The following CFAP77 variants were observed in gnomAD, a reference collection of about 807,000 sequenced individuals.
CFAP77 encodes cilia- and flagella-associated protein 77.
Under a neutral mutation model 31.1 loss-of-function variants are expected in CFAP77, and 25 were observed. The observed-to-expected ratio is 0.80, with a 90% CI of 0.59 to 1.12. CFAP77 has a LOEUF of 1.12. Ranked by LOEUF, CFAP77 falls within the 50% of genes most tolerant of loss-of-function variation. The probability of loss-of-function intolerance (pLI) is 0.00; values close to 1 mark genes in which losing one functional copy is unlikely to be tolerated. For missense variants in CFAP77, 377 were observed against 397.3 expected (o/e 0.95, Z 0.44); for synonymous variants, 151 against 159.9 (o/e 0.94, Z 0.42).
At chr9:132,448,309 T>C (rs1850763847) in intron 1 of CFAP77, among the ~76,000 whole-genome samples, 1 of 152,198 alleles carries the variant, frequency 6.6e-6, no homozygotes, top group East Asian at 1.9e-4. Context: ...ACTCTCACAT[T>C]CAATTAGGTT....
intron 3 of CFAP77, among the ~76,000 whole-genome samples, chr9:132,510,293 C>T (rs1161637019): frequency 6.6e-6 from 1 of 152,240 alleles, no homozygotes; most frequent in Non-Finnish European, 1.5e-5. Context: ...TCACCCGTGT[C>T]AGGGGAGGGG....
intron 5 of CFAP77, among the ~76,000 whole-genome samples, chr9:132,560,234 C>T (rs940284315): frequency 3.3e-5 from 5 of 152,208 alleles, no homozygotes; most frequent in African/African-American, 4.8e-5. Context: ...GAGTGATCAT[C>T]GCCTAGATTC....
chr9:132,421,002 CTTTTTTTTTTT>C (rs754764941), intron 1 of CFAP77, among the ~76,000 whole-genome samples: 9 of 74,518 alleles, frequency 1.2e-4, no homozygotes, highest in African/African-American at 3.6e-4. Context: ...TGGCTTGTGT[CTTTTTTTTTTT>C]TTTTTTTTTT....
chr9:132,447,793 G>T (rs1173172051), intron 1 of CFAP77, among the ~76,000 whole-genome samples: 1 of 152,194 alleles, frequency 6.6e-6, no homozygotes, highest in Non-Finnish European at 1.5e-5. Flanking sequence ...GCTGATTAAA[G>T]AACCAACCTG....
In CFAP77 at chr9:132,500,775, C is replaced by T. The variant is rs540420113; in HGVS notation, c.524+1175C>T. ...ACTGGCACGCATGTCCCAATGGGTC[C>T]ACATCCTCACCATTGTCAACAAGGG... On this transcript the variant is annotated intron_variant, in intron 3 of 5. Coordinates refer to ENST00000393216, the MANE Select transcript of CFAP77 (RefSeq NM_001282957.2). Among the ~76,000 whole-genome samples, 478 of 152,312 alleles carry T rather than the reference C, an allele frequency of 3.1e-3. 3 individuals carry two copies. The highest frequency in any genetic ancestry group is 0.011 in the African/African-American group (440 of 41,558).
chr9:132,420,333 C>A (rs994757586), intron 1 of CFAP77, among the ~76,000 whole-genome samples: 1 of 151,680 alleles, frequency 6.6e-6, no homozygotes, highest in Non-Finnish European at 1.5e-5. Context: ...GAAGGGGACA[C>A]CTAGAGCAAA....
rs530553478 is a variant in CFAP77 at position 132,450,061 on chromosome 9, C to T, written c.195+39595C>T. Among the ~76,000 whole-genome samples, 4 of 152,014 alleles carry T rather than the reference C, an allele frequency of 2.6e-5. No individual in the cohort carries two copies. The South Asian group carries it at 6.3e-4, about 24-fold the overall frequency. On this transcript the variant is annotated intron_variant, in intron 1 of 5. Coordinates refer to ENST00000393216, the MANE Select transcript of CFAP77 (RefSeq NM_001282957.2). The stretch of plus-strand genomic sequence containing the variant: ...CTGAGTAGCTGGGACTACTGGTGCC[C>T]GCCACCATGCCCACACCCGCCACCA...
chr9:132,532,438 C>T (rs554989935), intron 3 of CFAP77, among the ~76,000 whole-genome samples: 2 of 152,310 alleles, frequency 1.3e-5, no homozygotes, highest in South Asian at 2.1e-4. Context: ...TTTTACTCAG[C>T]GCCGGCCAAT....
Position 132,499,289 on chromosome 9 carries a change from G to A in CFAP77, c.296-83G>A. 1 of 1,227,996 alleles carries A rather than the reference G, an allele frequency of 8.1e-7. No homozygotes were observed. The highest frequency in any genetic ancestry group is 1.3e-5 in the South Asian group (1 of 75,864). The allele number at this position is 1,227,996 out of a possible 1,614,324, so 76.1% of individuals were successfully genotyped here. ...AAATGGGAAGGCCGAGGACCCGCGT[G>A]CCCCCATTTCTTCTCGATCAGCTGC... On this transcript the variant is annotated intron_variant, in intron 2 of 5. Coordinates refer to ENST00000393216, the MANE Select transcript of CFAP77 (RefSeq NM_001282957.2). This position sits in a 1 kb window ranked among gnomAD's most constrained non-coding sequence, Gnocchi z 5.4.
intron 3 of CFAP77, among the ~76,000 whole-genome samples, chr9:132,508,828 A>G (rs1851981870): frequency 6.6e-6 from 1 of 152,212 alleles, no homozygotes; most frequent in East Asian, 1.9e-4. Flanking sequence ...AGATGGGGAA[A>G]CTGAGGCTCA....
At chr9:132,418,055 T>C (rs571750038) in intron 1 of CFAP77, among the ~76,000 whole-genome samples, 82 of 152,352 alleles carry the variant, frequency 5.4e-4, no homozygotes, top group African/African-American at 1.9e-3. Flanking sequence ...GTTTCCTTAT[T>C]TGGAGAGTCT....
At chr9:132,487,627 T>G in intron 1 of CFAP77, among the ~76,000 whole-genome samples, 1 of 151,930 alleles carries the variant, frequency 6.6e-6, no homozygotes, top group East Asian at 1.9e-4. Flanking sequence ...CATGTAGAAT[T>G]TTGAATCCGG....
At chr9:132,521,172 C>T (rs1255769370) in intron 3 of CFAP77, among the ~76,000 whole-genome samples, 1 of 152,274 alleles carries the variant, frequency 6.6e-6, no homozygotes, top group East Asian at 1.9e-4. Context: ...ACAGGATCGG[C>T]CCTGACATGC....
chr9:132,557,284 A>T (rs1039709285), intron 5 of CFAP77, among the ~76,000 whole-genome samples: 1 of 152,094 alleles, frequency 6.6e-6, no homozygotes. Context: ...AGGTGTTTCA[A>T]AGAGAAGGCA....
At chr9:132,426,821 G>T (rs1850325702) in intron 1 of CFAP77, among the ~76,000 whole-genome samples, 1 of 152,116 alleles carries the variant, frequency 6.6e-6, no homozygotes, top group Non-Finnish European at 1.5e-5. Flanking sequence ...GACTCACCAT[G>T]GGGAAATTAA....
At chr9:132,423,943 C>A (rs1265833110) in intron 1 of CFAP77, among the ~76,000 whole-genome samples, 1 of 152,178 alleles carries the variant, frequency 6.6e-6, no homozygotes, top group Admixed American at 6.5e-5. Context: ...TTATCACCTG[C>A]GTCTATATCT....
rs1250011911 is a variant in CFAP77 at position 132,490,165 on chromosome 9, G to C, written c.196-8530G>C. On this transcript the variant is annotated intron_variant, in intron 1 of 5. Transcript: ENST00000393216. This position sits in a 1 kb window ranked among gnomAD's most constrained non-coding sequence, Gnocchi z 4.6. ...AAAAGGGCGAACTCCCTCCATCAAGGCCTTTTATAAGGGCACCTATTCCCC... is the reference window on the plus strand; with the variant it reads ...AAAAGGGCGAACTCCCTCCATCAAGCCCTTTTATAAGGGCACCTATTCCCC... 1.3e-5 allele frequency among the ~76,000 whole-genome samples: 2 copies of C among 152,062 alleles called. No homozygotes were observed. The highest frequency in any genetic ancestry group is 1.3e-4 in the Admixed American group (2 of 15,274).
At chr9:132,549,727 A>T (rs1306221614) in intron 5 of CFAP77, among the ~76,000 whole-genome samples, 1 of 152,062 alleles carries the variant, frequency 6.6e-6, no homozygotes, top group Non-Finnish European at 1.5e-5. Context: ...AATCACAGCT[A>T]CTCGGTGGGG....
At chr9:132,430,537 A>T (rs1390334375) in intron 1 of CFAP77, among the ~76,000 whole-genome samples, 1 of 152,228 alleles carries the variant, frequency 6.6e-6, no homozygotes, top group East Asian at 1.9e-4. Flanking sequence ...TATCCTGTGA[A>T]CTAGAAAACC....
Sources: allele counts gnomAD v4.1 joint callset (sites outside exome capture counted in the v4.1 genomes callset), GRCh38; gene constraint gnomAD v4.1.1; non-coding constraint Gnocchi (gnomAD v3.1); transcripts MANE v1.5; gene names NCBI Gene and HGNC (gene_info 2026-07-23, HGNC 2026-07-21).